The following ABHD13 variants were observed in gnomAD, a reference collection of about 807,000 sequenced individuals.
ABHD13 encodes the protein abhydrolase domain containing 13.
A neutral mutation model predicts 25.2 loss-of-function variants in ABHD13; 7 were observed. That is an observed-to-expected ratio of 0.28 (90% CI 0.16 to 0.52). The LOEUF (loss-of-function observed/expected upper bound fraction) is 0.52. Among genes scored for constraint, ABHD13 ranks in the 20% least tolerant of loss-of-function variants. The pLI is 0.96. For missense variants in ABHD13, 302 were observed against 402.7 expected, an observed-to-expected ratio of 0.75 and a Z score of 2.14; for synonymous variants, 133 against 136.1, an observed-to-expected ratio of 0.98 and a Z score of 0.16.
rs1879867135 is a variant in ABHD13 at position 108,233,944 on chromosome 13, A to G, written c.*3712A>G. The G allele has an allele frequency of 6.0e-6, 1 of 166,812 alleles. No individual in the cohort carries two copies. Among genetic ancestry groups the G allele is most frequent in the Non-Finnish European group, 1.5e-5 (1 of 67,966 alleles). 10.3% of individuals were successfully genotyped at this position (166,812 alleles called of 1,614,324 possible). ...GGTGAGTGTGTGTTTAACATAATTT[A>G]TAATTATTTCTGTCAGTACAGCGTA... On this transcript the variant is annotated 3_prime_UTR_variant, in exon 2 of 2. Transcript: ENST00000375898.
chr13:108,223,608 C>T (rs1197130456), intron 1 of ABHD13, among the ~76,000 whole-genome samples: 1 of 152,226 alleles, frequency 6.6e-6, no homozygotes, highest in Non-Finnish European at 1.5e-5. Flanking sequence ...GAGGCCACTA[C>T]CTTGATTCTT....
intron 1 of ABHD13, among the ~76,000 whole-genome samples, chr13:108,225,474 G>C (rs1423201244): frequency 6.6e-6 from 1 of 152,148 alleles, no homozygotes; most frequent in Non-Finnish European, 1.5e-5. Context: ...GTGTAGAGGA[G>C]AAGCCAATAG....
In ABHD13 at chr13:108,230,113, A is replaced by G; in HGVS notation, c.895A>G (p.Asn299Asp). ...RLAIFPDGTHNDTWQCQGYFT... is the reference protein window; with the variant it reads ...RLAIFPDGTHDDTWQCQGYFT... ...AGCCATTTTTCCAGATGGGACTCAC[A>G]ATGACACATGGCAGTGCCAAGGCTA... is the stretch of plus-strand genomic sequence containing the variant. Residue 299 changes from asparagine to aspartate, a missense_variant, in exon 2 of 2, where the codon AAT becomes GAT. By Grantham distance (23) the Asn-to-Asp change is conservative (BLOSUM62 1). Coordinates refer to ENST00000375898, the MANE Select transcript of ABHD13 (RefSeq NM_032859.3). 1 of 1,613,178 alleles carries G rather than the reference A, an allele frequency of 6.2e-7. No homozygotes were observed. Among genetic ancestry groups the G allele is most frequent in the Non-Finnish European group, 8.5e-7 (1 of 1,179,338 alleles).
Position 108,230,376 on chromosome 13 carries a change from C to A in ABHD13, c.*144C>A. 1 of 675,660 alleles carries A rather than the reference C, an allele frequency of 1.5e-6. No individual in the cohort carries two copies. The highest frequency in any genetic ancestry group is 2.4e-6 in the Non-Finnish European group (1 of 419,250). 41.9% of individuals were successfully genotyped at this position (675,660 alleles called of 1,614,324 possible). Reference sequence around the variant, plus strand: ...ACTTCACTGCTCCTTTACGATATTCCAAATAGTTTTTTACATTGGAAAAAC... The same window carrying A: ...ACTTCACTGCTCCTTTACGATATTCAAAATAGTTTTTTACATTGGAAAAAC... On this transcript the variant is annotated 3_prime_UTR_variant, in exon 2 of 2. Transcript: ENST00000375898.
intron 1 of ABHD13, among the ~76,000 whole-genome samples, chr13:108,220,372 G>A (rs1256459436): frequency 4.6e-5 from 7 of 152,192 alleles, no homozygotes; most frequent in Non-Finnish European, 1.0e-4. Context: ...TTAGTGATAG[G>A]TGCAGGAAAC....
At chr13:108,221,568 A>AT (rs1264281636) in intron 1 of ABHD13, among the ~76,000 whole-genome samples, 8 of 151,552 alleles carry the variant, frequency 5.3e-5, no homozygotes, top group Non-Finnish European at 7.4e-5. Context: ...GAACCTGCAC[A>AT]TTTTTTTTAA....
Position 108,233,508 on chromosome 13 carries a change from C to G in ABHD13, c.*3276C>G, listed in dbSNP as rs1389855910. 1 of 166,584 alleles carries G rather than the reference C, an allele frequency of 6.0e-6. No homozygotes were observed. The highest frequency in any genetic ancestry group is 2.4e-5 in the African/African-American group (1 of 41,364). The allele number at this position is 166,584 out of a possible 1,614,324, so 10.3% of individuals were successfully genotyped here. ...CCACTCATTCTTCTTTCCCATTTTCCTATTATGTTTGATAATTATATGTAT... is the reference window on the plus strand; with the variant it reads ...CCACTCATTCTTCTTTCCCATTTTCGTATTATGTTTGATAATTATATGTAT... On this transcript the variant is annotated 3_prime_UTR_variant, in exon 2 of 2. Transcript: ENST00000375898.
rs1416481203 is a variant in ABHD13, at chr13:108,218,558, A to T, written c.-122A>T. 4 of 151,970 alleles carry T rather than the reference A, an allele frequency of 2.6e-5. No individual in the cohort carries two copies. Among genetic ancestry groups the T allele is most frequent in the African/African-American group, 9.7e-5 (4 of 41,436 alleles). The allele number at this position is 151,970 out of a possible 1,614,324, so 9.4% of individuals were successfully genotyped here. A position where few individuals can be genotyped will look rare whatever the true frequency, so the allele number is the denominator to read the frequency against. ...GCGCCGGCAGCGGCCCCTGGGCTGG[A>T]GGAGGATGATGAGGAGCGACGGAAG... is the stretch of plus-strand genomic sequence containing the variant. On this transcript the variant is annotated 5_prime_UTR_variant, in exon 1 of 2. Transcript: ENST00000375898.
At position 108,229,490 on chromosome 13, in the gene ABHD13, T is replaced by G; in HGVS notation, c.272T>G (p.Ile91Ser). ...PTGIPHENIFIRTKDGIRLNL... is the reference protein window; with the variant it reads ...PTGIPHENIFSRTKDGIRLNL... Reference sequence around the variant, plus strand: ...GGCATTCCACATGAAAACATTTTCATCAGAACCAAAGATGGAATACGTCTG... The same window carrying G: ...GGCATTCCACATGAAAACATTTTCAGCAGAACCAAAGATGGAATACGTCTG... Residue 91 changes from isoleucine (I) to serine (S), a missense_variant, in exon 2 of 2, where the codon ATC becomes AGC. Transcript: ENST00000375898. This position sits in a 1 kb window ranked among gnomAD's most constrained non-coding sequence, Gnocchi z 4.7. 6.2e-7 allele frequency: 1 copy of G among 1,613,566 alleles called. No homozygotes were observed. The highest frequency in any genetic ancestry group is 8.5e-7 in the Non-Finnish European group (1 of 1,179,614).
chr13:108,220,256 A>G (rs1879535558), intron 1 of ABHD13, among the ~76,000 whole-genome samples: 2 of 152,176 alleles, frequency 1.3e-5, no homozygotes, highest in Non-Finnish European at 2.9e-5. Context: ...CCAGGTACCT[A>G]CAGGTAGCCC....
In ABHD13 at chr13:108,223,187, T is replaced by C. The variant is rs540994060; in HGVS notation, c.-21+4528T>C. Reference sequence around the variant, plus strand: ...ATGGAGTTATGCAGATTTTTCCAAATGGTGACATGTTTAATATTAATAGAT... The same window carrying C: ...ATGGAGTTATGCAGATTTTTCCAAACGGTGACATGTTTAATATTAATAGAT... On this transcript the variant is annotated intron_variant, in intron 1 of 1. Transcript: ENST00000375898. Among the ~76,000 whole-genome samples, 8 of 152,362 alleles carry C rather than the reference T, an allele frequency of 5.3e-5. No individual in the cohort carries two copies. The South Asian group carries it at 1.7e-3, about 32-fold the overall frequency.
chr13:108,228,107 A>C (rs1186667048), intron 1 of ABHD13, among the ~76,000 whole-genome samples: 1 of 152,082 alleles, frequency 6.6e-6, no homozygotes. Flanking sequence ...CGAATAGTAC[A>C]TAAGAAAATT....
At chr13:108,224,819 A>G (rs376495122) in intron 1 of ABHD13, among the ~76,000 whole-genome samples, 57 of 152,362 alleles carry the variant, frequency 3.7e-4, no homozygotes, top group African/African-American at 1.1e-3. Context: ...GATGAGCACC[A>G]TATATTAAAT....
Position 108,229,421 on chromosome 13 carries a change from C to G in ABHD13, c.203C>G (p.Pro68Arg). 6.2e-7 allele frequency: 1 copy of G among 1,612,428 alleles called. No individual in the cohort carries two copies. The highest frequency in any genetic ancestry group is 8.5e-7 in the Non-Finnish European group (1 of 1,179,182). The change falls in exon 2 of 2, where the codon CCA (proline) becomes CGA (arginine). Residue 68 changes from proline to arginine, a missense_variant. Physicochemically the swap from Pro to Arg is moderately radical, Grantham distance 103. Coordinates refer to ENST00000375898, the MANE Select transcript of ABHD13 (RefSeq NM_032859.3). The surrounding 1 kb of genome is among the most constrained non-coding windows in gnomAD (Gnocchi z 4.7). ...YKFQDVLLYFPEQPSSSRLYV... is the reference protein window; with the variant it reads ...YKFQDVLLYFREQPSSSRLYV... ...TTCCAGGATGTATTGCTTTATTTTC[C>G]AGAACAGCCATCCTCTTCACGTCTT...
chr13:108,229,121 C>A lies in ABHD13; in HGVS notation c.-20-78C>A. 1 of 1,134,372 alleles carries A rather than the reference C, an allele frequency of 8.8e-7. No homozygotes were observed. Among genetic ancestry groups the A allele is most frequent in the Non-Finnish European group, 1.2e-6 (1 of 804,384 alleles). 70.3% of individuals were successfully genotyped at this position (1,134,372 alleles called of 1,614,324 possible). ...TTTAACAATTACATGTGGCCTAGTA[C>A]CATAGTTTATTATATTGTGGATTTT... On this transcript the variant is annotated intron_variant, in intron 1 of 1. Coordinates refer to ENST00000375898, the MANE Select transcript of ABHD13 (RefSeq NM_032859.3). The surrounding 1 kb of genome is among the most constrained non-coding windows in gnomAD (Gnocchi z 4.7).
intron 1 of ABHD13, among the ~76,000 whole-genome samples, chr13:108,228,771 CACA>C (rs1219903497): frequency 1.3e-5 from 2 of 151,506 alleles, no homozygotes; most frequent in African/African-American, 2.4e-5. Flanking sequence ...GCAGATGTAC[CACA>C]ATCTCTAGAA....
intron 1 of ABHD13, among the ~76,000 whole-genome samples, chr13:108,228,685 T>G (rs1299731285): frequency 1.3e-5 from 2 of 151,862 alleles, no homozygotes; most frequent in East Asian, 3.9e-4. Context: ...CAAAGTATAT[T>G]AGATTGGTCT....
chr13:108,221,840 C>G (rs1004777245), intron 1 of ABHD13, among the ~76,000 whole-genome samples: 3 of 150,776 alleles, frequency 2.0e-5, no homozygotes, highest in Admixed American at 2.0e-4. Flanking sequence ...AAACAATGTA[C>G]ACTTTTTTTT....
chr13:108,222,405 A>G (rs569729709), intron 1 of ABHD13, among the ~76,000 whole-genome samples: 3 of 152,170 alleles, frequency 2.0e-5, no homozygotes, highest in African/African-American at 7.2e-5. Flanking sequence ...CCTTAAATAT[A>G]TTTATATATG....
Sources: allele counts gnomAD v4.1 joint callset (sites outside exome capture counted in the v4.1 genomes callset), GRCh38; gene constraint gnomAD v4.1.1; non-coding constraint Gnocchi (gnomAD v3.1); transcripts MANE v1.5; gene names NCBI Gene and HGNC (gene_info 2026-07-23, HGNC 2026-07-21).